RARB: variants seen among roughly 807,000 people sequenced by gnomAD.
RARB encodes the protein HBV-activated protein.
RARB carries 17 observed loss-of-function variants against 51.9 expected under a neutral mutation model. The observed-to-expected ratio is 0.33, with a 90% CI of 0.22 to 0.49. The LOEUF is 0.49. Ranked by LOEUF, RARB falls within the 20% of genes least tolerant of loss-of-function variation. RARB has a pLI of 0.99. For synonymous variants in RARB, 215 were observed against 195.4 expected, an observed-to-expected ratio of 1.10 and a Z score of -0.84; for missense variants, 369 against 550.8, an observed-to-expected ratio of 0.67 and a Z score of 3.30.
intron 2 of RARB, among the ~76,000 whole-genome samples, chr3:24,966,077 AGAGGCACCTTTATCTTT>A (rs1389750131): frequency 6.7e-6 from 1 of 149,474 alleles, no homozygotes; most frequent in Non-Finnish European, 1.5e-5. Context: ...ATGCAACTAA[AGAGGCACCTTTATCTTT>A]GAATTTTTTT....
chr3:25,197,323 A>G (rs1280046435), intron 5 of RARB, among the ~76,000 whole-genome samples: 1 of 152,122 alleles, frequency 6.6e-6, no homozygotes, highest in Non-Finnish European at 1.5e-5. Context: ...GAAATAGGGA[A>G]TCCTTTCCCC....
chr3:25,114,346 T>C (rs1258253584), intron 3 of RARB, among the ~76,000 whole-genome samples: 2 of 152,172 alleles, frequency 1.3e-5, no homozygotes, highest in African/African-American at 2.4e-5. Context: ...TTTGCGTTCA[T>C]TATCCTACCA....
intron 1 of RARB, among the ~76,000 whole-genome samples, chr3:24,848,373 A>G (rs1436231104): frequency 6.6e-6 from 1 of 152,164 alleles, no homozygotes; most frequent in South Asian, 2.1e-4. Flanking sequence ...GTAAGGTTTT[A>G]AACACATCAA....
chr3:25,334,700 C>A lies in RARB; in HGVS notation c.179-126493C>A, dbSNP rs191700062. 6.6e-5 allele frequency among the ~76,000 whole-genome samples: 10 copies of A among 151,562 alleles called. No individual in the cohort carries two copies. The East Asian group carries it at 1.9e-3, about 29-fold the overall frequency. On this transcript the variant is annotated intron_variant, in intron 5 of 11. Transcript: ENST00000383772. The stretch of plus-strand genomic sequence containing the variant: ...TAATAAAAAAAGTAAAAAATAAATC[C>A]TTAATGTAAAAATAAATAAATAAGT...
chr3:25,392,650 G>T (rs1289422701), intron 5 of RARB, among the ~76,000 whole-genome samples: 1 of 151,406 alleles, frequency 6.6e-6, no homozygotes, highest in Admixed American at 6.6e-5. Context: ...TTTCACAGTT[G>T]CTGTAAAAGG....
At chr3:24,849,308 C>A (rs1702525047) in intron 1 of RARB, among the ~76,000 whole-genome samples, 1 of 152,166 alleles carries the variant, frequency 6.6e-6, no homozygotes, top group Non-Finnish European at 1.5e-5. Context: ...AGGGAAACTG[C>A]AGATAAGGGG....
intron 5 of RARB, among the ~76,000 whole-genome samples, chr3:25,192,936 C>A (rs896735689): frequency 1.3e-5 from 2 of 151,952 alleles, no homozygotes; most frequent in Non-Finnish European, 2.9e-5. Flanking sequence ...GTAAATGGAA[C>A]CAAGAGCCAG....
At chr3:24,955,008 T>A (rs1389852175) in intron 2 of RARB, among the ~76,000 whole-genome samples, 1 of 152,182 alleles carries the variant, frequency 6.6e-6, no homozygotes, top group African/African-American at 2.4e-5. Flanking sequence ...ACCAGCTCAA[T>A]GGAGAGTCAG....
At chr3:25,493,692 G>C (rs1442337310) in intron 2 of RARB, among the ~76,000 whole-genome samples, 1 of 152,192 alleles carries the variant, frequency 6.6e-6, no homozygotes, top group African/African-American at 2.4e-5. Context: ...AATTAACTCT[G>C]CAACAGCCCA....
At chr3:25,208,725 C>G (rs548274520) in intron 5 of RARB, among the ~76,000 whole-genome samples, 23 of 152,196 alleles carry the variant, frequency 1.5e-4, no homozygotes, top group African/African-American at 5.5e-4. Flanking sequence ...TATTTCCTTT[C>G]TTAAAGCAAT....
At chr3:25,081,605 A>C (rs534039290) in intron 3 of RARB, among the ~76,000 whole-genome samples, 2 of 11,968 alleles carry the variant, frequency 1.7e-4, no homozygotes, top group Non-Finnish European at 3.1e-4. Flanking sequence ...ATATATATAT[A>C]TATATATATA....
At chr3:24,949,201 A>G (rs911349424) in intron 2 of RARB, among the ~76,000 whole-genome samples, 2 of 152,162 alleles carry the variant, frequency 1.3e-5, no homozygotes, top group Admixed American at 6.5e-5. Context: ...AAGGTATTGG[A>G]GTATTTGCTG....
At chr3:24,924,422 T>G (rs1695275461) in intron 2 of RARB, among the ~76,000 whole-genome samples, 1 of 152,166 alleles carries the variant, frequency 6.6e-6, no homozygotes, top group Non-Finnish European at 1.5e-5. Context: ...AATGAAAATG[T>G]TTATATCTGT....
At chr3:25,415,352 T>C (rs1707674011) in intron 5 of RARB, among the ~76,000 whole-genome samples, 7 of 152,174 alleles carry the variant, frequency 4.6e-5, no homozygotes, top group Admixed American at 3.9e-4. Flanking sequence ...CCAGGATCCA[T>C]TTTGAGTGAA....
At chr3:25,456,682 T>TATATATATATATAGAGAGAG (rs1491372969) in intron 1 of RARB, among the ~76,000 whole-genome samples, 2 of 88,394 alleles carry the variant, frequency 2.3e-5, no homozygotes, top group Admixed American at 1.2e-4. Flanking sequence ...TATATATATA[T>TATATATATATATAGAGAGAG]AGAGAGAGAG....
At chr3:25,146,513 T>TTTTTTTTG (rs1700195663) in intron 4 of RARB, among the ~76,000 whole-genome samples, 1 of 105,986 alleles carries the variant, frequency 9.4e-6, no homozygotes, top group Non-Finnish European at 1.9e-5. Flanking sequence ...GTTTGTTTGT[T>TTTTTTTTG]TTTTTTTTTT....
intron 2 of RARB, among the ~76,000 whole-genome samples, chr3:25,033,339 A>G (rs1208765646): frequency 6.6e-6 from 1 of 152,220 alleles, no homozygotes; most frequent in Non-Finnish European, 1.5e-5. Flanking sequence ...CTCAGAATAA[A>G]TTATTTCTCA....
intron 2 of RARB, among the ~76,000 whole-genome samples, chr3:24,859,314 T>G (rs1448202115): frequency 6.6e-6 from 1 of 152,128 alleles, no homozygotes; most frequent in East Asian, 1.9e-4. Context: ...GAGTTGTGAC[T>G]GAGAAAGTGG....
At chr3:24,961,131 G>A (rs1339122366) in intron 2 of RARB, among the ~76,000 whole-genome samples, 4 of 152,136 alleles carry the variant, frequency 2.6e-5, no homozygotes, top group African/African-American at 9.7e-5. Context: ...AAGTTACTTT[G>A]CTATTATAAT....
Sources: gnomAD v4.1 joint callset for allele counts (sites outside exome capture counted in the v4.1 genomes callset) on GRCh38, gnomAD v4.1.1 for gene constraint, MANE v1.5 for transcripts, NCBI Gene and HGNC (gene_info 2026-07-23, HGNC 2026-07-21) for gene names.